PHACTR3: variants seen among roughly 807,000 people sequenced by gnomAD.
PHACTR3 encodes the protein phosphatase and actin regulator 3, also known as protein phosphatase 1, regulatory subunit 123.
PHACTR3 carries 16 observed loss-of-function variants against 66.8 expected under a neutral mutation model. The ratio of observed to expected loss-of-function variants is 0.24; its 90% confidence interval spans 0.16 to 0.36. PHACTR3 has a LOEUF of 0.36. Ranked by LOEUF, PHACTR3 falls within the 10% of genes least tolerant of loss-of-function variation. The pLI is 1.00. For missense variants in PHACTR3, 647 were observed against 719.9 expected, an observed-to-expected ratio of 0.90 and a Z score of 1.16; for synonymous variants, 323 against 292.1, an observed-to-expected ratio of 1.11 and a Z score of -1.08.
chr20:59,634,538 T>C (rs2146401395), intron 1 of PHACTR3, among the ~76,000 whole-genome samples: 1 of 152,342 alleles, frequency 6.6e-6, no homozygotes, highest in African/African-American at 2.4e-5. Flanking sequence ...GCTCCTTTGT[T>C]GATGAAATGC....
intron 1 of PHACTR3, among the ~76,000 whole-genome samples, chr20:59,699,046 A>G (rs1568723688): frequency 6.6e-6 from 1 of 152,206 alleles, no homozygotes; most frequent in Non-Finnish European, 1.5e-5. Flanking sequence ...CAGCAAATGT[A>G]TGGAGTATTA....
chr20:59,827,941 A>C (rs1310822995), intron 8 of PHACTR3, among the ~76,000 whole-genome samples: 1 of 152,156 alleles, frequency 6.6e-6, no homozygotes, highest in Non-Finnish European at 1.5e-5. Context: ...AACTCAGGGC[A>C]GCTCTGTGGA....
chr20:59,826,300 G>A (rs1431471754), intron 8 of PHACTR3, among the ~76,000 whole-genome samples: 1 of 152,120 alleles, frequency 6.6e-6, no homozygotes, highest in African/African-American at 2.4e-5. Flanking sequence ...CGGGCCTCTG[G>A]GTCCTGGTGG....
At chr20:59,831,636 C>G (rs187952957) in intron 8 of PHACTR3, among the ~76,000 whole-genome samples, 1 of 152,188 alleles carries the variant, frequency 6.6e-6, no homozygotes, top group East Asian at 1.9e-4. Context: ...CCCGCCCCAC[C>G]CCTCTGCAGG....
At chr20:59,689,997 T>C (rs1365902746) in intron 1 of PHACTR3, among the ~76,000 whole-genome samples, 1 of 152,202 alleles carries the variant, frequency 6.6e-6, no homozygotes, top group African/African-American at 2.4e-5. Flanking sequence ...ATGGGAGTGA[T>C]CATTTGAAAC....
chr20:59,699,582 T>C (rs532666473), intron 1 of PHACTR3, among the ~76,000 whole-genome samples: 115 of 152,310 alleles, frequency 7.6e-4, no homozygotes, highest in Admixed American at 1.4e-3. Flanking sequence ...AGACAATACA[T>C]GTATATGGTT....
At chr20:59,842,304 T>G (rs538407574) in intron 11 of PHACTR3, among the ~76,000 whole-genome samples, 1 of 152,304 alleles carries the variant, frequency 6.6e-6, no homozygotes, top group South Asian at 2.1e-4. Flanking sequence ...AGAGAAAAAT[T>G]ATACATTCAG....
chr20:59,744,715 C>T (rs971576569), intron 2 of PHACTR3, among the ~76,000 whole-genome samples: 1 of 152,194 alleles, frequency 6.6e-6, no homozygotes, highest in Non-Finnish European at 1.5e-5. Flanking sequence ...TAGATGAATT[C>T]TTGTTGAAGT....
At chr20:59,722,801 G>A (rs2038367934) in intron 1 of PHACTR3, among the ~76,000 whole-genome samples, 1 of 151,320 alleles carries the variant, frequency 6.6e-6, no homozygotes, top group African/African-American at 2.4e-5. Flanking sequence ...ACTCATGCTT[G>A]TTTTGGGAGG....
chr20:59,625,916 C>T (rs1057149274), intron 1 of PHACTR3, among the ~76,000 whole-genome samples: 2 of 152,018 alleles, frequency 1.3e-5, no homozygotes, highest in South Asian at 2.1e-4. Flanking sequence ...TATCTGTGAC[C>T]GAATACCTCA....
intron 1 of PHACTR3, among the ~76,000 whole-genome samples, chr20:59,709,237 C>T (rs183697941): frequency 6.6e-6 from 1 of 152,334 alleles, no homozygotes; most frequent in Non-Finnish European, 1.5e-5. Context: ...AACACACCTA[C>T]AGTTTTTCTG....
intron 8 of PHACTR3, among the ~76,000 whole-genome samples, chr20:59,810,533 C>A (rs1034700578): frequency 6.6e-6 from 1 of 152,238 alleles, no homozygotes; most frequent in Non-Finnish European, 1.5e-5. Flanking sequence ...TCAGAGATTC[C>A]TCCACCGTCT....
chr20:59,623,622 G>C (rs1385169011), intron 1 of PHACTR3, among the ~76,000 whole-genome samples: 1 of 152,186 alleles, frequency 6.6e-6, no homozygotes, highest in Non-Finnish European at 1.5e-5. Flanking sequence ...TCTTAAAACT[G>C]CATCTGTGGG....
At chr20:59,724,568 G>A (rs140647496) in intron 1 of PHACTR3, among the ~76,000 whole-genome samples, 1 of 152,144 alleles carries the variant, frequency 6.6e-6, no homozygotes, top group Non-Finnish European at 1.5e-5. Context: ...GGCCGGCAGG[G>A]ACCTGTAGGA....
At chr20:59,604,393 C>T (rs945594940), upstream of PHACTR3, among the ~76,000 whole-genome samples, 1 of 152,140 alleles carries the variant, frequency 6.6e-6, no homozygotes, top group African/African-American at 2.4e-5. Context: ...CCTCCTCCCC[C>T]ACCCCGGCGC....
chr20:59,753,227 G>GCGCCTTATGGGAAGAGCCTGCCAGCCT (rs2039664958), intron 3 of PHACTR3, among the ~76,000 whole-genome samples: 1 of 152,122 alleles, frequency 6.6e-6, no homozygotes, highest in African/African-American at 2.4e-5. Flanking sequence ...ATGGCCATCT[G>GCGCCTTATGGGAAGAGCCTGCCAGCCT]CGCCTTATGG....
intron 4 of PHACTR3, among the ~76,000 whole-genome samples, chr20:59,758,586 C>A (rs987024552): frequency 6.6e-6 from 1 of 152,148 alleles, no homozygotes; most frequent in African/African-American, 2.4e-5. Flanking sequence ...AAGTGGCTGC[C>A]TGCATGCAGG....
chr20:59,681,325 G>T (rs865282), intron 1 of PHACTR3, among the ~76,000 whole-genome samples: 1 of 152,128 alleles, frequency 6.6e-6, no homozygotes, highest in South Asian at 2.1e-4. Flanking sequence ...AGACGTTAAG[G>T]GTTGTGGAGT....
At chr20:59,795,351 C>T (rs2041221269) in intron 7 of PHACTR3, among the ~76,000 whole-genome samples, 1 of 151,958 alleles carries the variant, frequency 6.6e-6, no homozygotes, top group Non-Finnish European at 1.5e-5. Flanking sequence ...AAAGAAGATA[C>T]TTGATATGAT....
Sources: allele counts gnomAD v4.1 joint callset (sites outside exome capture counted in the v4.1 genomes callset), GRCh38; gene constraint gnomAD v4.1.1; transcripts MANE v1.5; gene names NCBI Gene and HGNC (gene_info 2026-07-23, HGNC 2026-07-21).